EYS: variants seen among roughly 807,000 people sequenced by gnomAD.
EYS encodes protein eyes shut homolog.
Under a neutral mutation model 282.1 loss-of-function variants are expected in EYS, and 250 were observed. That is an observed-to-expected ratio of 0.89 (90% CI 0.80 to 0.98). The LOEUF (loss-of-function observed/expected upper bound fraction) is 0.98. EYS is among the 50% of genes least tolerant of loss of function. The pLI, the probability that EYS is intolerant of heterozygous loss-of-function variation, is 0.00. For synonymous variants in EYS, 1,355 were observed against 1,282.9 expected (o/e 1.06, Z -1.20); for missense variants, 4,016 against 3,709.0 (o/e 1.08, Z -2.15).
At chr6:64,802,097 G>T (rs112471918) in intron 22 of EYS, among the ~76,000 whole-genome samples, 1,841 of 135,718 alleles carry the variant, frequency 0.014, 50 homozygotes, top group African/African-American at 0.048. Flanking sequence ...GCAGTAGCGC[G>T]ATCTTGGCTC....
At chr6:64,719,303 G>A (rs1038598367) in intron 22 of EYS, among the ~76,000 whole-genome samples, 8 of 152,070 alleles carry the variant, frequency 5.3e-5, no homozygotes, top group Admixed American at 1.3e-4. Context: ...TCTGACCTAC[G>A]GAGTTCTGGG....
At chr6:64,302,231 C>T (rs544662949) in intron 30 of EYS, among the ~76,000 whole-genome samples, 13 of 152,250 alleles carry the variant, frequency 8.5e-5, no homozygotes, top group African/African-American at 3.1e-4. Flanking sequence ...ACTGGAGAAA[C>T]TTACCTAAAC....
At chr6:64,686,988 T>A (rs1016423898) in intron 22 of EYS, among the ~76,000 whole-genome samples, 2 of 147,280 alleles carry the variant, frequency 1.4e-5, no homozygotes, top group Non-Finnish European at 3.0e-5. Flanking sequence ...CTAGAAAAAC[T>A]GGATAAAATA....
intron 11 of EYS, among the ~76,000 whole-genome samples, chr6:65,328,988 C>A (rs548040883): frequency 6.6e-6 from 1 of 150,920 alleles, no homozygotes. Context: ...AACTCCAAGT[C>A]TTAGAAAATA....
chr6:64,621,297 T>A lies in EYS; in HGVS notation c.3569-3764A>T, dbSNP rs114964383. Reference sequence around the variant, plus strand: ...AATGTCACTACTTCTAAGATTTATATATTTTATTTTCATTTCATTTTCCCT... The same window carrying A: ...AATGTCACTACTTCTAAGATTTATAAATTTTATTTTCATTTCATTTTCCCT... On this transcript the variant is annotated intron_variant, in intron 23 of 42. Transcript: ENST00000503581. 2.3e-3 allele frequency among the ~76,000 whole-genome samples: 348 copies of A among 152,356 alleles called. 2 individuals are homozygous for A. In the Middle Eastern group the frequency reaches 0.027, roughly 12 times the overall value.
intron 22 of EYS, among the ~76,000 whole-genome samples, chr6:64,675,934 T>C (rs1431965626): frequency 6.6e-6 from 1 of 150,562 alleles, no homozygotes; most frequent in Non-Finnish European, 1.5e-5. Flanking sequence ...TCTCTCCCTC[T>C]TTATATATAT....
intron 36 of EYS, among the ~76,000 whole-genome samples, chr6:63,823,548 A>C (rs374240599): frequency 2.6e-5 from 4 of 152,248 alleles, no homozygotes; most frequent in African/African-American, 9.6e-5. Flanking sequence ...TAAGAAAAAA[A>C]TTTCTCATTT....
At chr6:65,360,643 G>A (rs538824481) in intron 8 of EYS, among the ~76,000 whole-genome samples, 1 of 152,168 alleles carries the variant, frequency 6.6e-6, no homozygotes, top group Admixed American at 6.5e-5. Flanking sequence ...CTATATTCTA[G>A]AGAAATGTGA....
At chr6:63,752,021 T>G (rs780488020) in intron 41 of EYS, among the ~76,000 whole-genome samples, 6 of 152,204 alleles carry the variant, frequency 3.9e-5, no homozygotes, top group Non-Finnish European at 8.8e-5. Flanking sequence ...TTCTAGGATG[T>G]GGTGTTCTAT....
At chr6:64,182,868 C>A (rs1481183945) in intron 31 of EYS, among the ~76,000 whole-genome samples, 1 of 152,126 alleles carries the variant, frequency 6.6e-6, no homozygotes, top group Non-Finnish European at 1.5e-5. Context: ...ACCCTCTTTC[C>A]TGTCGCCTGG....
At chr6:64,500,163 C>T (rs1477769924) in intron 26 of EYS, among the ~76,000 whole-genome samples, 1 of 151,958 alleles carries the variant, frequency 6.6e-6, no homozygotes, top group Non-Finnish European at 1.5e-5. Flanking sequence ...CCCAGAATAT[C>T]CTGTATACAG....
chr6:65,179,233 G>A (rs1222485812), intron 12 of EYS, among the ~76,000 whole-genome samples: 1 of 145,794 alleles, frequency 6.9e-6, no homozygotes. Context: ...GAAGGAAATA[G>A]AGACACAAAA....
At chr6:65,541,363 G>A (rs773675986) in intron 2 of EYS, among the ~76,000 whole-genome samples, 5 of 151,684 alleles carry the variant, frequency 3.3e-5, no homozygotes, top group East Asian at 1.9e-4. Flanking sequence ...TGAATTTTAC[G>A]AACATTTGTT....
intron 31 of EYS, among the ~76,000 whole-genome samples, chr6:64,212,584 A>G (rs1452764077): frequency 1.3e-5 from 2 of 150,986 alleles, no homozygotes; most frequent in Admixed American, 1.3e-4. Context: ...TTTTTTTTTA[A>G]CACCTTTATT....
intron 12 of EYS, among the ~76,000 whole-genome samples, chr6:65,145,791 G>A (rs1173206698): frequency 6.6e-6 from 1 of 151,636 alleles, no homozygotes; most frequent in African/African-American, 2.4e-5. Flanking sequence ...TTCTCTGCAG[G>A]AAAAAAGACC....
rs180784516 is a variant in EYS at position 65,233,004 on chromosome 6, A to G, written c.2023+62859T>C. 8.0e-3 allele frequency among the ~76,000 whole-genome samples: 1,224 copies of G among 152,262 alleles called. 10 individuals carry two copies. Among genetic ancestry groups the G allele is most frequent in the Non-Finnish European group, 0.012 (783 of 68,012 alleles). ...TGTGAATTTTTCATTTCAGTTCATT[A>G]AAGAATTTCCTTTGTATTTCTTATA... On this transcript the variant is annotated intron_variant, in intron 12 of 42. Transcript: ENST00000503581.
At chr6:64,152,742 G>A (rs1203954774) in intron 31 of EYS, among the ~76,000 whole-genome samples, 6 of 151,904 alleles carry the variant, frequency 3.9e-5, no homozygotes, top group Non-Finnish European at 7.4e-5. Flanking sequence ...TATCTGAAAA[G>A]GAAAACCAAT....
chr6:63,825,098 A>ATGGGAGCTG (rs1296817409), intron 36 of EYS, among the ~76,000 whole-genome samples: 1 of 152,092 alleles, frequency 6.6e-6, no homozygotes, highest in Non-Finnish European at 1.5e-5. Flanking sequence ...TTCAGTTTGC[A>ATGGGAGCTG]TGGGAGCTGG....
chr6:65,479,689 C>G (rs1230928730), intron 5 of EYS, among the ~76,000 whole-genome samples: 1 of 152,040 alleles, frequency 6.6e-6, no homozygotes, highest in Non-Finnish European at 1.5e-5. Context: ...TAAACCTAAA[C>G]AGAGGACTAA....
Sources: gnomAD v4.1 joint callset for allele counts (sites outside exome capture counted in the v4.1 genomes callset) on GRCh38, gnomAD v4.1.1 for gene constraint, MANE v1.5 for transcripts, NCBI Gene and HGNC (gene_info 2026-07-23, HGNC 2026-07-21) for gene names.